GPAT3: variants seen among roughly 807,000 people sequenced by gnomAD.
The protein encoded by GPAT3 is 1-AGP acyltransferase 9.
GPAT3 carries 53 observed loss-of-function variants against 58.8 expected under a neutral mutation model. The ratio of observed to expected loss-of-function variants is 0.90; its 90% CI spans 0.72 to 1.13. GPAT3 has a LOEUF of 1.13. Among genes scored for constraint, GPAT3 ranks in the 50% most tolerant of loss-of-function variants. The probability of loss-of-function intolerance (pLI) is 0.00; values close to 1 mark genes in which losing one functional copy is unlikely to be tolerated. For synonymous variants in GPAT3, 197 were observed against 187.4 expected (o/e 1.05, Z -0.42); for missense variants, 511 against 527.6 (o/e 0.97, Z 0.31).
chr4:83,588,271 C>G lies in GPAT3; in HGVS notation c.616C>G (p.Leu206Val). ...LTCCRICVRALSGTIHYHNKQ... is the reference protein window; with the variant it reads ...LTCCRICVRAVSGTIHYHNKQ... ...TTGCTGCCGGATCTGTGTGCGAGCCCTCTCTGGTACCATTCATTATCATAA... is the reference window on the plus strand; with the variant it reads ...TTGCTGCCGGATCTGTGTGCGAGCCGTCTCTGGTACCATTCATTATCATAA... The change falls in exon 5 of 12, where the codon CTC becomes GTC. Residue 206 changes from leucine to valine, a missense_variant. By Grantham distance (32) the Leu-to-Val change is conservative. Coordinates refer to ENST00000264409, the MANE Select transcript of GPAT3 (RefSeq NM_032717.5). 6.2e-7 allele frequency: 1 copy of G among 1,613,294 alleles called. No homozygotes were observed. Among genetic ancestry groups the G allele is most frequent in the Non-Finnish European group, 8.5e-7 (1 of 1,179,804 alleles).
At chr4:83,581,432 G>A in intron 2 of GPAT3, 130 bp from the exon 3 acceptor site, 1 of 946,918 alleles carries the variant, frequency 1.1e-6, no homozygotes, top group Admixed American at 2.5e-5. Flanking sequence ...TACTTCTGAA[G>A]ATGGCTGATG....
At chr4:83,593,166 C>CTTTTT (rs761351611) in intron 6 of GPAT3, among the ~76,000 whole-genome samples, 1 of 112,358 alleles carries the variant, frequency 8.9e-6, no homozygotes, top group Non-Finnish European at 1.8e-5. Flanking sequence ...CGAGCCAGGA[C>CTTTTT]TTTTTTTTTT....
chr4:83,537,066 A>G (rs1336837713), intron 1 of GPAT3, among the ~76,000 whole-genome samples: 1 of 152,130 alleles, frequency 6.6e-6, no homozygotes, highest in African/African-American at 2.4e-5. Context: ...CAACAATGCG[A>G]CCAACTTTTT....
chr4:83,583,635 C>A (rs546024792), intron 3 of GPAT3, among the ~76,000 whole-genome samples: 1 of 131,344 alleles, frequency 7.6e-6, no homozygotes, highest in African/African-American at 3.0e-5. Flanking sequence ...CTACTACACT[C>A]CAGCCTGGGT....
In GPAT3 at chr4:83,581,664, T is replaced by C; in HGVS notation, c.311T>C (p.Leu104Ser). The C allele has an allele frequency of 6.2e-7, 1 of 1,614,180 alleles. No homozygotes were observed. The highest frequency in any genetic ancestry group is 1.1e-5 in the South Asian group (1 of 91,084). ...SDVFYFSKKGLEAIVEDEVTQ... is the reference protein window; with the variant it reads ...SDVFYFSKKGSEAIVEDEVTQ... Reference sequence around the variant, plus strand: ...GTGTTTTATTTCTCCAAGAAGGGATTGGAAGCCATTGTAGAAGATGAAGTG... The same window carrying C: ...GTGTTTTATTTCTCCAAGAAGGGATCGGAAGCCATTGTAGAAGATGAAGTG... The change falls in exon 3 of 12, where the codon TTG (leucine) becomes TCG (serine). Residue 104 changes from leucine (L) to serine (S), a missense_variant. Physicochemically the swap from Leu to Ser is moderately radical, Grantham distance 145. Coordinates refer to ENST00000264409, the MANE Select transcript of GPAT3 (RefSeq NM_032717.5).
At chr4:83,599,279 G>A (rs1010918258) in intron 11 of GPAT3, among the ~76,000 whole-genome samples, 8 of 152,102 alleles carry the variant, frequency 5.3e-5, no homozygotes, top group African/African-American at 1.7e-4. Context: ...TCCTCAATTT[G>A]TGCTTCTCTT....
At chr4:83,574,624 A>ATTTTTTTTTTTTTT (rs561972057) in intron 2 of GPAT3, among the ~76,000 whole-genome samples, 10 of 55,592 alleles carry the variant, frequency 1.8e-4, no homozygotes, top group Admixed American at 2.4e-4. Context: ...AGTAAAATGA[A>ATTTTTTTTTTTTTT]TTTTTTTTTT....
chr4:83,556,183 T>C (rs1327977615), intron 2 of GPAT3, among the ~76,000 whole-genome samples: 2 of 152,254 alleles, frequency 1.3e-5, no homozygotes, highest in Non-Finnish European at 2.9e-5. Flanking sequence ...GTGGGATTTC[T>C]TGTTTAATCA....
chr4:83,598,287 A>G lies in GPAT3; in HGVS notation c.1125+108A>G, dbSNP rs752272548. 56 of 1,420,794 alleles carry G rather than the reference A, an allele frequency of 3.9e-5. 1 individual carries two copies. The highest frequency in any genetic ancestry group is 3.4e-5 in the Non-Finnish European group (36 of 1,050,306). The allele number at this position is 1,420,794 out of a possible 1,614,324, so 88.0% of individuals were successfully genotyped here. ...GTCATGCTTTTCTGCTTTCTCAGCA[A>G]ATGGGTCATTTTTTTAATGATGTAT... On this transcript the variant is annotated intron_variant, in intron 10 of 11. Transcript: ENST00000264409.
chr4:83,597,699 T>C (rs1469144140), intron 9 of GPAT3, among the ~76,000 whole-genome samples, 184 bp downstream of exon 9: 1 of 152,218 alleles, frequency 6.6e-6, no homozygotes, highest in Non-Finnish European at 1.5e-5. Flanking sequence ...TGTAGATAGA[T>C]GTATACTGGG....
intron 3 of GPAT3, among the ~76,000 whole-genome samples, chr4:83,585,865 C>T (rs1351884640): frequency 1.3e-5 from 2 of 152,120 alleles, no homozygotes; most frequent in African/African-American, 4.8e-5. Context: ...GGGATTGTAG[C>T]CGTGAGACAC....
At chr4:83,542,086 A>C (rs528307605) in intron 1 of GPAT3, among the ~76,000 whole-genome samples, 1 of 152,364 alleles carries the variant, frequency 6.6e-6, no homozygotes, top group East Asian at 1.9e-4. Context: ...GACATAATTC[A>C]GCCCATAACA....
At chr4:83,598,885 G>A (rs1033168840) in intron 11 of GPAT3, among the ~76,000 whole-genome samples, 162 bp downstream of exon 11, 2 of 146,416 alleles carry the variant, frequency 1.4e-5, no homozygotes, top group Non-Finnish European at 3.0e-5. Context: ...GACCGCCTGG[G>A]CTCAAGGGAT....
intron 2 of GPAT3, among the ~76,000 whole-genome samples, chr4:83,568,585 G>A (rs935151755): frequency 4.0e-5 from 6 of 150,592 alleles, no homozygotes; most frequent in African/African-American, 1.5e-4. Flanking sequence ...TAGGCTCATT[G>A]CAAGCTCCGC....
intron 3 of GPAT3, among the ~76,000 whole-genome samples, chr4:83,584,072 G>A (rs956357172): frequency 1.3e-5 from 2 of 152,150 alleles, no homozygotes; most frequent in Admixed American, 6.5e-5. Flanking sequence ...GGAAGAATGA[G>A]GAATTCTACA....
At chr4:83,539,924 G>A (rs55712009) in intron 1 of GPAT3, among the ~76,000 whole-genome samples, 15,685 of 152,100 alleles carry the variant, frequency 0.1, 2,629 homozygotes, top group African/African-American at 0.35. Flanking sequence ...TTGGGAAGCC[G>A]AGGCAGGTGG....
At chr4:83,549,726 A>ATTAT (rs1724683823) in intron 2 of GPAT3, among the ~76,000 whole-genome samples, 1 of 144,740 alleles carries the variant, frequency 6.9e-6, no homozygotes, top group South Asian at 2.2e-4. Flanking sequence ...TATTATTATT[A>ATTAT]TTGTTATTAT....
rs577343606 is a variant in GPAT3, at chr4:83,567,652, G to T, written c.209-13910G>T. ...TAGAATTCCTTAAAAAAAGGTCTGG[G>T]CCAGGAGTGGTGGCTTATGCCTGTA... On this transcript the variant is annotated intron_variant, in intron 2 of 11. Transcript: ENST00000264409. Among the ~76,000 whole-genome samples, 13 of 152,184 alleles carry T rather than the reference G, an allele frequency of 8.5e-5. No individual in the cohort carries two copies. In the South Asian group the frequency reaches 2.7e-3, roughly 32 times the overall value.
At chr4:83,562,010 T>C (rs1164478581) in intron 2 of GPAT3, among the ~76,000 whole-genome samples, 3 of 150,692 alleles carry the variant, frequency 2.0e-5, no homozygotes, top group African/African-American at 4.9e-5. Flanking sequence ...AATGGAGTCA[T>C]GAGCTTAAGG....
Sources: allele counts gnomAD v4.1 joint callset (sites outside exome capture counted in the v4.1 genomes callset), GRCh38; gene constraint gnomAD v4.1.1; transcripts MANE v1.5; gene names NCBI Gene and HGNC (gene_info 2026-07-23, HGNC 2026-07-21).